Variants in DISC1 observed in about 807,000 individuals in gnomAD.
The protein encoded by DISC1 is DISC1 scaffold protein, also known as disrupted in schizophrenia 1 protein.
In DISC1, 57 loss-of-function variants were observed where a neutral mutation model predicts 84.5. The observed-to-expected ratio is 0.67, with a 90% CI of 0.55 to 0.84. DISC1 has a LOEUF of 0.84. DISC1 is among the 40% of genes least tolerant of loss of function. The pLI, the probability that DISC1 is intolerant of heterozygous loss-of-function variation, is 0.00. For missense variants in DISC1, 1,000 were observed against 1,057.8 expected, an observed-to-expected ratio of 0.95 and a Z score of 0.76; for synonymous variants, 411 against 415.2, an observed-to-expected ratio of 0.99 and a Z score of 0.12.
chr1:231,726,745 T>C (rs1376814823), intron 3 of DISC1, among the ~76,000 whole-genome samples: 1 of 152,226 alleles, frequency 6.6e-6, no homozygotes, highest in Non-Finnish European at 1.5e-5. Context: ...TCTGGTTCCA[T>C]GACATGCTGC....
intron 9 of DISC1, among the ~76,000 whole-genome samples, chr1:231,870,903 A>G (rs1056135571): frequency 1.3e-5 from 2 of 152,166 alleles, no homozygotes; most frequent in Non-Finnish European, 2.9e-5. Flanking sequence ...AACTTATCTG[A>G]TTTTCAAACG....
rs11392611 is a variant in DISC1 at position 231,952,090 on chromosome 1, CAAAAAA to C, written c.1982-6720_1982-6715del. On this transcript the variant is annotated intron_variant, in intron 9 of 12. Transcript: ENST00000439617. Reference sequence around the variant, plus strand: ...AGAGCAAGACCTTGTCTCAATGTCTCAAAAAAAAAAAAAAAAAAAAAAAGAAAAGAA... The same window carrying C: ...AGAGCAAGACCTTGTCTCAATGTCTCAAAAAAAAAAAAAAAAAGAAAAGAA... Among the ~76,000 whole-genome samples the C allele has an allele frequency of 3.7e-4, 20 of 54,242 alleles. No homozygotes were observed. In the East Asian group the frequency reaches 7.9e-3, roughly 22 times the overall value. 35.6% of individuals were successfully genotyped at this position (54,242 alleles called of 152,430 possible).
intron 11 of DISC1, among the ~76,000 whole-genome samples, chr1:232,010,362 A>C (rs1334329404): frequency 1.3e-5 from 2 of 152,140 alleles, no homozygotes; most frequent in African/African-American, 4.8e-5. Flanking sequence ...GGGTGGAAGA[A>C]ACTGCAGGCT....
chr1:231,774,891 G>A (rs1446518367), intron 6 of DISC1: 1 of 377,710 alleles, frequency 2.6e-6, no homozygotes, highest in Non-Finnish European at 5.2e-6. Context: ...TTGCTATGAA[G>A]TATTGGTTGT....
chr1:231,951,251 A>G (rs548497090), intron 9 of DISC1, among the ~76,000 whole-genome samples: 6 of 152,304 alleles, frequency 3.9e-5, no homozygotes, highest in East Asian at 1.9e-4. Context: ...AAATGTGGCT[A>G]TTAGGGCAGT....
At chr1:231,741,445 G>A (rs1158218405) in intron 3 of DISC1, among the ~76,000 whole-genome samples, 1 of 152,230 alleles carries the variant, frequency 6.6e-6, no homozygotes, top group Non-Finnish European at 1.5e-5. Flanking sequence ...GGAATCTAAA[G>A]TTCATTGTAA....
At chr1:231,880,929 A>G (rs1004810543) in intron 9 of DISC1, among the ~76,000 whole-genome samples, 2 of 152,206 alleles carry the variant, frequency 1.3e-5, no homozygotes, top group African/African-American at 4.8e-5. Context: ...TCAATAGAGC[A>G]GTTAAGGGGA....
chr1:231,865,434 C>T (rs999276252), intron 9 of DISC1, among the ~76,000 whole-genome samples: 4 of 152,172 alleles, frequency 2.6e-5, no homozygotes, highest in African/African-American at 9.7e-5. Context: ...CAGAGGTTCA[C>T]CCAGGATGGG....
At position 231,921,736 on chromosome 1, in the gene DISC1, T is replaced by G. The variant is rs141065479; in HGVS notation, c.1982-37092T>G. On this transcript the variant is annotated intron_variant, in intron 9 of 12. Coordinates refer to ENST00000439617, the MANE Select transcript of DISC1 (RefSeq NM_018662.3). ...ATTTACAGTATAAAATGTGATGATTTGATGTATGCATATGTTGTGTAATGA... is the reference window on the plus strand; with the variant it reads ...ATTTACAGTATAAAATGTGATGATTGGATGTATGCATATGTTGTGTAATGA... 3.2e-3 allele frequency among the ~76,000 whole-genome samples: 494 copies of G among 152,070 alleles called. 2 individuals carry two copies. Among genetic ancestry groups the G allele is most frequent in the Middle Eastern group, 0.01 (3 of 292 alleles).
At chr1:231,851,791 G>A (rs2083919330) in intron 9 of DISC1, among the ~76,000 whole-genome samples, 1 of 152,206 alleles carries the variant, frequency 6.6e-6, no homozygotes, top group Non-Finnish European at 1.5e-5. Context: ...GCGGAAGAAT[G>A]AGCATTTGAG....
At chr1:231,969,706 C>T (rs550846628) in intron 10 of DISC1, among the ~76,000 whole-genome samples, 4 of 151,148 alleles carry the variant, frequency 2.6e-5, no homozygotes, top group African/African-American at 9.7e-5. Flanking sequence ...CCCATTAACT[C>T]GTCATTTACA....
At chr1:231,746,550 G>A (rs1191930913) in intron 3 of DISC1, among the ~76,000 whole-genome samples, 3 of 152,116 alleles carry the variant, frequency 2.0e-5, no homozygotes, top group Admixed American at 2.0e-4. Context: ...TGGCTGTACT[G>A]GTTTACATTC....
At chr1:231,745,443 A>T (rs767904859) in intron 3 of DISC1, 7 of 187,386 alleles carry the variant, frequency 3.7e-5, no homozygotes, top group South Asian at 3.6e-4. Flanking sequence ...GCTGGTCTTG[A>T]ACTCCTGACC....
intron 9 of DISC1, among the ~76,000 whole-genome samples, chr1:231,866,130 C>T: frequency 6.6e-6 from 1 of 152,082 alleles, no homozygotes; most frequent in East Asian, 1.9e-4. Flanking sequence ...CCCATAGTGG[C>T]CCACATCCCC....
intron 6 of DISC1, among the ~76,000 whole-genome samples, chr1:231,785,238 T>C (rs866002951): frequency 6.9e-6 from 1 of 145,136 alleles, no homozygotes; most frequent in Non-Finnish European, 1.5e-5. Flanking sequence ...TGTGTGTGTG[T>C]GTGTGTGTGT....
intron 9 of DISC1, among the ~76,000 whole-genome samples, chr1:231,948,667 A>G (rs1368757848): frequency 6.6e-6 from 1 of 151,838 alleles, no homozygotes; most frequent in Admixed American, 6.6e-5. Context: ...CTGGGTACCA[A>G]GAACACAAAC....
At chr1:231,690,085 T>C (rs539924072) in intron 1 of DISC1, among the ~76,000 whole-genome samples, 1 of 152,310 alleles carries the variant, frequency 6.6e-6, no homozygotes, top group East Asian at 1.9e-4. Flanking sequence ...GGTAAACATA[T>C]ATTTCCAGGC....
chr1:231,652,657 G>A (rs1373606524), intron 1 of DISC1, among the ~76,000 whole-genome samples: 1 of 152,140 alleles, frequency 6.6e-6, no homozygotes, highest in Non-Finnish European at 1.5e-5. Context: ...GGTTCACAGA[G>A]CCATACAACT....
intron 9 of DISC1, among the ~76,000 whole-genome samples, chr1:231,951,122 A>T (rs1658300151): frequency 6.6e-6 from 1 of 151,928 alleles, no homozygotes; most frequent in African/African-American, 2.4e-5. Flanking sequence ...ACACTTTCTC[A>T]CTCTCTGTTC....
Sources: allele counts gnomAD v4.1 joint callset (sites outside exome capture counted in the v4.1 genomes callset), GRCh38; gene constraint gnomAD v4.1.1; transcripts MANE v1.5; gene names NCBI Gene and HGNC (gene_info 2026-07-23, HGNC 2026-07-21).